Variants in CRYBG3 observed in about 807,000 individuals in gnomAD.
CRYBG3 encodes the protein crystallin beta-gamma domain containing 3.
A neutral mutation model predicts 244.2 loss-of-function variants in CRYBG3; 127 were observed. The ratio of observed to expected loss-of-function variants is 0.52; its 90% CI spans 0.45 to 0.60. The LOEUF (loss-of-function observed/expected upper bound fraction) is 0.60, where lower values mean the gene tolerates loss of function less well. Ranked by LOEUF, CRYBG3 falls within the 20% of genes least tolerant of loss-of-function variation. The probability of loss-of-function intolerance (pLI) is 0.00; values close to 1 mark genes in which losing one functional copy is unlikely to be tolerated. For synonymous variants in CRYBG3, 1,132 were observed against 1,195.8 expected (o/e 0.95, Z 1.10); for missense variants, 3,325 against 3,442.5 (o/e 0.97, Z 0.85).
At chr3:97,844,884 G>A (rs2108173972) in intron 2 of CRYBG3, among the ~76,000 whole-genome samples, 1 of 152,270 alleles carries the variant, frequency 6.6e-6, no homozygotes, top group South Asian at 2.1e-4. Flanking sequence ...ATACCATGCA[G>A]TCATGAAACT....
Position 97,899,004 on chromosome 3 carries a change from C to G in CRYBG3, c.7823C>G (p.Ser2608Cys). The change falls in exon 13 of 22, where the codon TCC becomes TGC. Residue 2608 changes from serine to cysteine, a missense_variant. Ser to Cys is a moderately radical substitution (Grantham distance 112). Transcript: ENST00000389622. ...EEIGFGSKTR[S>C]IHVKSGVWVA... Reference sequence around the variant, plus strand: ...ATTGGCTTTGGCAGTAAAACAAGATCCATTCATGTTAAAAGTGGAGTGTAA... The same window carrying G: ...ATTGGCTTTGGCAGTAAAACAAGATGCATTCATGTTAAAAGTGGAGTGTAA... 1 of 1,611,772 alleles carries G rather than the reference C, an allele frequency of 6.2e-7. No homozygotes were observed. The highest frequency in any genetic ancestry group is 1.1e-5 in the South Asian group (1 of 90,320).
rs1270303932 is a variant in CRYBG3 at position 97,872,261 on chromosome 3, A to G, written c.1067A>G (p.Tyr356Cys). 4 of 1,535,508 alleles carry G rather than the reference A, an allele frequency of 2.6e-6. No homozygotes were observed. In the South Asian group the frequency reaches 3.6e-5, roughly 14 times the overall value. Reference protein sequence around the residue: ...SSPSSVTNSSYDGESDSQHHL... With the variant: ...SSPSSVTNSSCDGESDSQHHL... Reference sequence around the variant, plus strand: ...CCTTCTTCTGTGACTAACTCCAGCTACGATGGAGAATCTGACTCACAGCAC... The same window carrying G: ...CCTTCTTCTGTGACTAACTCCAGCTGCGATGGAGAATCTGACTCACAGCAC... Residue 356 changes from tyrosine (Y) to cysteine (C), a missense_variant, in exon 4 of 22, where the codon TAC becomes TGC. By Grantham distance (194) the Tyr-to-Cys change is radical. Coordinates refer to ENST00000389622, the MANE Select transcript of CRYBG3 (RefSeq NM_153605.4).
chr3:97,904,860 G>T (rs1326242838), intron 15 of CRYBG3, among the ~76,000 whole-genome samples: 1 of 150,522 alleles, frequency 6.6e-6, no homozygotes, highest in Non-Finnish European at 1.5e-5. Flanking sequence ...CTAGCATTAG[G>T]TATATCTCCC....
intron 15 of CRYBG3, among the ~76,000 whole-genome samples, chr3:97,905,477 C>G: frequency 6.6e-6 from 1 of 151,784 alleles, no homozygotes; most frequent in Admixed American, 6.6e-5. Flanking sequence ...TTTTGATTTG[C>G]ATTTCTCTGA....
chr3:97,905,919 G>T (rs2039768857), intron 15 of CRYBG3, among the ~76,000 whole-genome samples: 1 of 147,386 alleles, frequency 6.8e-6, no homozygotes, highest in Admixed American at 6.9e-5. Flanking sequence ...ATTGATTTTT[G>T]TATAAGGTAT....
intron 1 of CRYBG3, among the ~76,000 whole-genome samples, chr3:97,832,828 G>A (rs1209534290): frequency 1.3e-5 from 2 of 152,004 alleles, no homozygotes; most frequent in African/African-American, 4.8e-5. Context: ...ATCTGACAAT[G>A]GGCTAATATC....
At chr3:97,919,886 C>G (rs2108256179) in intron 17 of CRYBG3, among the ~76,000 whole-genome samples, 1 of 152,138 alleles carries the variant, frequency 6.6e-6, no homozygotes, top group East Asian at 1.9e-4. Flanking sequence ...CCATCTCAGC[C>G]TCCGAAGTAG....
intron 3 of CRYBG3, among the ~76,000 whole-genome samples, chr3:97,868,208 C>G (rs1306972152): frequency 6.7e-6 from 1 of 149,790 alleles, no homozygotes; most frequent in African/African-American, 2.5e-5. Flanking sequence ...GGCGTGAACC[C>G]AGGAGGCAGA....
At chr3:97,881,292 C>T (rs948730534) in intron 7 of CRYBG3, 73 bp downstream of exon 7, 21 of 1,005,992 alleles carry the variant, frequency 2.1e-5, no homozygotes, top group African/African-American at 8.5e-5. Context: ...TGTGGCCTGG[C>T]GATGTTTACA....
At position 97,882,293 on chromosome 3, in the gene CRYBG3, A is replaced by C. The variant is rs547644529; in HGVS notation, c.7152+1074A>C. 2.0e-5 allele frequency among the ~76,000 whole-genome samples: 3 copies of C among 152,276 alleles called. No individual in the cohort carries two copies. In the South Asian group the frequency reaches 6.2e-4, roughly 32 times the overall value. ...CACTGTTCCTAATTAGAAGTATACT[A>C]TTCAGGAATCTTAGAGATTCCTTAT... On this transcript the variant is annotated intron_variant, in intron 7 of 21. Transcript: ENST00000389622.
chr3:97,871,871 C>T lies in CRYBG3; in HGVS notation c.677C>T (p.Ser226Leu). ...KQIDGKPEKP[S>L]VTYATYRGPR... ...ATCGATGGTAAACCAGAGAAGCCTT[C>T]AGTAACATATGCAACATATCGAGGC... Residue 226 changes from serine (S) to leucine (L), a missense_variant, in exon 4 of 22, where the codon TCA becomes TTA. Ser to Leu is a moderately radical substitution (Grantham distance 145, BLOSUM62 -2). Around this residue, in one of 4 missense-constraint regions of CRYBG3, gnomAD observed 1,526 missense variants for 1,443.2 expected, o/e 1.06. Transcript: ENST00000389622. The T allele has an allele frequency of 6.6e-7, 1 of 1,513,820 alleles. No homozygotes were observed. The highest frequency in any genetic ancestry group is 1.3e-5 in the South Asian group (1 of 79,234). The allele number at this position is 1,513,820 out of a possible 1,614,324, so 93.8% of individuals were successfully genotyped here. A position where few individuals can be genotyped will look rare whatever the true frequency, so the allele number is the denominator to read the frequency against.
intron 2 of CRYBG3, among the ~76,000 whole-genome samples, chr3:97,852,886 A>G (rs2039008000): frequency 6.6e-6 from 1 of 152,154 alleles, no homozygotes; most frequent in Non-Finnish European, 1.5e-5. Context: ...GGGGTGTGAT[A>G]TCGCATTGTG....
At position 97,873,466 on chromosome 3, in the gene CRYBG3, T is replaced by C; in HGVS notation, c.2272T>C (p.Leu758=). ...SEASGPHLTG[L]ELLSFDSGNL... Reference sequence around the variant, plus strand: ...AGCCAGTGGCCCTCACTTAACTGGGTTGGAGCTATTGAGCTTTGACTCTGG... The same window carrying C: ...AGCCAGTGGCCCTCACTTAACTGGGCTGGAGCTATTGAGCTTTGACTCTGG... The change falls in exon 4 of 22, where the codon TTG becomes CTG. Residue 758 remains leucine, a synonymous_variant. Transcript: ENST00000389622. 6.5e-7 allele frequency: 1 copy of C among 1,535,848 alleles called. No homozygotes were observed. The highest frequency in any genetic ancestry group is 8.7e-7 in the Non-Finnish European group (1 of 1,146,790).
chr3:97,895,969 T>G lies in CRYBG3; in HGVS notation c.7585T>G (p.Tyr2529Asp), dbSNP rs370726452. The G allele has an allele frequency of 3.1e-6, 5 of 1,612,892 alleles. No homozygotes were observed. Among genetic ancestry groups the G allele is most frequent in the Non-Finnish European group, 4.2e-6 (5 of 1,179,538 alleles). The change falls in exon 12 of 22, where the codon TAT (tyrosine) becomes GAT (aspartate). Residue 2529 changes from tyrosine (Y) to aspartate (D), a missense_variant. Coordinates refer to ENST00000389622, the MANE Select transcript of CRYBG3 (RefSeq NM_153605.4). ...CCCCTGTATTTCTAGGTGGGTTGCC[T>G]ATGAAAAAGAACATTTTAAAGGCCA... ...IRVIGGVWVA[Y>D]EKEHFKGQQF...
rs1356526458 is a variant in CRYBG3, at chr3:97,944,921, G to C, written c.*1607G>C. The C allele has an allele frequency of 3.8e-6, 1 of 260,852 alleles. No homozygotes were observed. Among genetic ancestry groups the C allele is most frequent in the Non-Finnish European group, 7.2e-6 (1 of 139,342 alleles). 16.2% of individuals were successfully genotyped at this position (260,852 alleles called of 1,614,324 possible). On this transcript the variant is annotated 3_prime_UTR_variant, in exon 22 of 22. Transcript: ENST00000389622. ...CAATTCTAAATGATACATTGGAATTGTGCCTTTTCTACCACACTGGATTAA... is the reference window on the plus strand; with the variant it reads ...CAATTCTAAATGATACATTGGAATTCTGCCTTTTCTACCACACTGGATTAA...
intron 19 of CRYBG3, among the ~76,000 whole-genome samples, chr3:97,939,639 CTG>C (rs1025339786): frequency 1.3e-5 from 2 of 152,034 alleles, no homozygotes; most frequent in Non-Finnish European, 2.9e-5. Context: ...ACTCTGTCAT[CTG>C]TGAAGGTCAC....
At chr3:97,837,980 C>T (rs2038758050) in intron 1 of CRYBG3, among the ~76,000 whole-genome samples, 1 of 152,068 alleles carries the variant, frequency 6.6e-6, no homozygotes, top group African/African-American at 2.4e-5. Flanking sequence ...CTTACTGTGC[C>T]TCACCCCTCT....
At chr3:97,929,482 A>G (rs2040075123) in intron 17 of CRYBG3, among the ~76,000 whole-genome samples, 1 of 151,960 alleles carries the variant, frequency 6.6e-6, no homozygotes, top group Non-Finnish European at 1.5e-5. Flanking sequence ...CACTGTGTTG[A>G]CTTTCCTAAT....
At chr3:97,858,752 T>C (rs1300653672) in intron 2 of CRYBG3, among the ~76,000 whole-genome samples, 1 of 152,194 alleles carries the variant, frequency 6.6e-6, no homozygotes, top group Non-Finnish European at 1.5e-5. Flanking sequence ...CTGTATTTTT[T>C]CGTATCTTGC....
Sources: gnomAD v4.1 joint callset for allele counts (sites outside exome capture counted in the v4.1 genomes callset) on GRCh38, gnomAD v4.1.1 for gene constraint, gnomAD v4.1.1 regional missense constraint, MANE v1.5 for transcripts, NCBI Gene and HGNC (gene_info 2026-07-23, HGNC 2026-07-21) for gene names.